The following TNIP3 variants were observed in gnomAD, a reference collection of about 807,000 sequenced individuals.
TNIP3 encodes TNFAIP3 interacting protein 3, also known as TNFAIP3-interacting protein 3.
Under a neutral mutation model 54.1 loss-of-function variants are expected in TNIP3, and 34 were observed. The ratio of observed to expected loss-of-function variants is 0.63; its 90% CI spans 0.48 to 0.84. The LOEUF (loss-of-function observed/expected upper bound fraction) is 0.84. Ranked by LOEUF, TNIP3 falls within the 40% of genes least tolerant of loss-of-function variation. The pLI is 0.00. For synonymous variants in TNIP3, 134 were observed against 136.8 expected, an observed-to-expected ratio of 0.98 and a Z score of 0.14; for missense variants, 366 against 387.6, an observed-to-expected ratio of 0.94 and a Z score of 0.47.
intron 2 of TNIP3, among the ~76,000 whole-genome samples, chr4:121,202,776 T>C (rs1725963832): frequency 6.6e-6 from 1 of 151,874 alleles, no homozygotes; most frequent in Non-Finnish European, 1.5e-5. Flanking sequence ...ACGACATGAA[T>C]AGATAATTCC....
In TNIP3 at chr4:121,191,829, T is replaced by C. The variant is rs1033648582; in HGVS notation, c.69-9033A>G. 3.2e-4 allele frequency among the ~76,000 whole-genome samples: 49 copies of C among 152,326 alleles called. 2 individuals carry two copies. Among genetic ancestry groups the C allele is most frequent in the Admixed American group, 2.9e-3 (45 of 15,300 alleles). On this transcript the variant is annotated intron_variant, in intron 2 of 12. Coordinates refer to the TNIP3 transcript ENST00000507879. Reference sequence around the variant, plus strand: ...CCAATATTGTTAAGGCTGAGTTTCATTGGGACAAATATTTGAAAGGACCTT... The same window carrying C: ...CCAATATTGTTAAGGCTGAGTTTCACTGGGACAAATATTTGAAAGGACCTT...
At chr4:121,225,448 CT>C (rs1211316311) in intron 1 of TNIP3, among the ~76,000 whole-genome samples, 1 of 151,984 alleles carries the variant, frequency 6.6e-6, no homozygotes, top group Non-Finnish European at 1.5e-5. Flanking sequence ...TTCTTTAAGA[CT>C]TGTGGATGTA....
upstream of TNIP3, among the ~76,000 whole-genome samples, chr4:121,167,387 A>G (rs1043911378): frequency 1.3e-5 from 2 of 152,146 alleles, no homozygotes; most frequent in Admixed American, 1.3e-4. Context: ...TAGCTATGGA[A>G]AGAGTCAGAG....
chr4:121,180,379 G>A (rs748353301), intron 3 of TNIP3, among the ~76,000 whole-genome samples: 5 of 152,004 alleles, frequency 3.3e-5, no homozygotes, highest in African/African-American at 9.7e-5. Flanking sequence ...CAGCCTGGGC[G>A]ACAGAGCGAG....
chr4:121,138,726 C>A, intron 9 of TNIP3, 42 bp from the exon 10 acceptor site: 1 of 1,539,180 alleles, frequency 6.5e-7, no homozygotes, highest in African/African-American at 1.4e-5. Context: ...ATATGGACTT[C>A]AAATATAGTG....
At chr4:121,199,600 C>G (rs1020885767) in intron 2 of TNIP3, among the ~76,000 whole-genome samples, 3 of 152,144 alleles carry the variant, frequency 2.0e-5, no homozygotes, top group African/African-American at 7.2e-5. Flanking sequence ...CTGAATTGAT[C>G]TTTATCTCCC....
chr4:121,192,691 ATTTTGAG>A (rs1460410882), intron 2 of TNIP3: 3 of 152,210 alleles, frequency 2.0e-5, no homozygotes, highest in African/African-American at 7.2e-5. Flanking sequence ...TTCACTTTGA[ATTTTGAG>A]TTCCGGAGAA....
At chr4:121,162,940 C>T (rs1336583694) in intron 1 of TNIP3, among the ~76,000 whole-genome samples, 1 of 152,124 alleles carries the variant, frequency 6.6e-6, no homozygotes, top group Non-Finnish European at 1.5e-5. Flanking sequence ...TTTGGGAGCC[C>T]AGATGTGGAA....
At chr4:121,161,254 T>A in intron 1 of TNIP3, 38 bp from the exon 2 acceptor site, 1 of 1,515,026 alleles carries the variant, frequency 6.6e-7, no homozygotes, top group South Asian at 1.2e-5. Context: ...GAAACAAAGC[T>A]GTTTACAAAA....
chr4:121,160,386 C>T (rs993582681), intron 2 of TNIP3, among the ~76,000 whole-genome samples: 1 of 151,128 alleles, frequency 6.6e-6, no homozygotes, highest in Non-Finnish European at 1.5e-5. Context: ...GGCTGAGGCA[C>T]AAGAATCACT....
chr4:121,146,986 AT>A (rs1729467744), intron 7 of TNIP3, 62 bp downstream of exon 7: 8 of 1,546,142 alleles, frequency 5.2e-6, no homozygotes, highest in Non-Finnish European at 6.1e-6. Flanking sequence ...AACGTCTTGA[AT>A]TTTTTTAAAT....
At chr4:121,226,415 C>G (rs1037059947) in intron 1 of TNIP3, among the ~76,000 whole-genome samples, 2 of 152,206 alleles carry the variant, frequency 1.3e-5, no homozygotes, top group Non-Finnish European at 2.9e-5. Flanking sequence ...AGTTTGTTAA[C>G]GTTGATCCAT....
chr4:121,143,866 T>A lies in TNIP3; in HGVS notation c.736-1090A>T, dbSNP rs182735113. ...TTTCTCTATAAGGCACATCACATCC[T>A]TCATGCTTAGGAATACTAGAGAGCA... is the stretch of plus-strand genomic sequence containing the variant. On this transcript the variant is annotated intron_variant, in intron 7 of 10. Coordinates refer to ENST00000057513, the MANE Select transcript of TNIP3 (RefSeq NM_024873.6). Among the ~76,000 whole-genome samples the A allele has an allele frequency of 2.0e-5, 3 of 152,336 alleles. No homozygotes were observed. The East Asian group carries it at 5.8e-4, about 29-fold the overall frequency.
Position 121,132,515 on chromosome 4 carries a change from A to G in TNIP3, c.*116T>C, listed in dbSNP as rs550008272. ...CAAAGGAAAACATGACCAGGCACAA[A>G]TAACAGGGTAGATGATGTGCCTTTG... On this transcript the variant is annotated 3_prime_UTR_variant, in exon 11 of 11. Transcript: ENST00000057513. The G allele has an allele frequency of 1.4e-5, 13 of 948,014 alleles. No homozygotes were observed. Among genetic ancestry groups the G allele is most frequent in the South Asian group, 3.0e-5 (2 of 65,608 alleles). 58.7% of individuals were successfully genotyped at this position (948,014 alleles called of 1,614,324 possible).
At chr4:121,205,336 G>A (rs1271986114) in intron 2 of TNIP3, among the ~76,000 whole-genome samples, 6 of 152,152 alleles carry the variant, frequency 3.9e-5, no homozygotes, top group East Asian at 1.9e-4. Context: ...CCAACATACA[G>A]CAAGAAGGAA....
At chr4:121,141,651 A>AAGAT (rs1729123852) in intron 9 of TNIP3, among the ~76,000 whole-genome samples, 165 bp downstream of exon 9, 1 of 152,192 alleles carries the variant, frequency 6.6e-6, no homozygotes, top group Non-Finnish European at 1.5e-5. Context: ...CAGTGTCCCA[A>AAGAT]AGATAATTCT....
chr4:121,138,677 T>G lies in TNIP3; in HGVS notation c.893A>C (p.Tyr298Ser), dbSNP rs567234794. ...AAGCTGGTCAAGAGCATACCACTGA[T>G]AGTCTGGCTGTGTGGAACAATACAA... is the stretch of plus-strand genomic sequence containing the variant. Reference protein sequence around the residue: ...VQKQREHPPDYQWYALDQLPP... With the variant: ...VQKQREHPPDSQWYALDQLPP... Residue 298 changes from tyrosine (Y) to serine (S), a missense_variant, in exon 10 of 11, where the codon TAT (tyrosine) becomes TCT (serine). Physicochemically the swap from Tyr to Ser is moderately radical, Grantham distance 144 (BLOSUM62 -2). Coordinates refer to ENST00000057513, the MANE Select transcript of TNIP3 (RefSeq NM_024873.6). 338 of 1,613,906 alleles carry G rather than the reference T, an allele frequency of 2.1e-4. 4 individuals are homozygous for G. In the South Asian group the frequency reaches 3.5e-3, roughly 17 times the overall value.
rs547015433 is a variant in TNIP3, at chr4:121,222,996, A to G, written c.3+4389T>C. Reference sequence around the variant, plus strand: ...AATTTTTAGTATTTTTAGTAGAGATAGGGTTTCACCGTGTTAGCCAGGATG... The same window carrying G: ...AATTTTTAGTATTTTTAGTAGAGATGGGGTTTCACCGTGTTAGCCAGGATG... On this transcript the variant is annotated intron_variant, in intron 1 of 12. Transcript: ENST00000509841. Among the ~76,000 whole-genome samples the G allele has an allele frequency of 3.3e-3, 496 of 152,068 alleles. 5 individuals are homozygous for G. The highest frequency in any genetic ancestry group is 4.9e-3 in the Non-Finnish European group (334 of 67,956).
rs1560645891 is a variant in TNIP3 at position 121,150,095 on chromosome 4, C to A, written c.609+8G>T. On this transcript the variant is annotated splice_region_variant and intron_variant, in intron 6 of 10. Coordinates refer to ENST00000057513, the MANE Select transcript of TNIP3 (RefSeq NM_024873.6). ...CTCCACAGGATCATGCCACTTCCAG[C>A]TTCTCACCTGCTGCTTCAGAACTTC... The A allele has an allele frequency of 1.3e-6, 2 of 1,595,766 alleles. No individual in the cohort carries two copies. The highest frequency in any genetic ancestry group is 1.7e-6 in the Non-Finnish European group (2 of 1,164,128).
Sources: allele counts gnomAD v4.1 joint callset (sites outside exome capture counted in the v4.1 genomes callset), GRCh38; gene constraint gnomAD v4.1.1; transcripts MANE v1.5; gene names NCBI Gene and HGNC (gene_info 2026-07-23, HGNC 2026-07-21).